Variants in FBXO34 observed in about 807,000 individuals in gnomAD.
FBXO34 encodes the protein F-box protein 34, also known as F-box only protein 34.
A neutral mutation model predicts 24.5 loss-of-function variants in FBXO34; 12 were observed. That is an observed-to-expected ratio of 0.49 (90% CI 0.31 to 0.79). The LOEUF is 0.79. Among genes scored for constraint, FBXO34 ranks in the 30% least tolerant of loss-of-function variants. The pLI is 0.04. For missense variants in FBXO34, 823 were observed against 857.7 expected (o/e 0.96, Z 0.51); for synonymous variants, 320 against 311.9 (o/e 1.03, Z -0.27).
chr14:55,273,752 C>T (rs1486358757), intron 1 of FBXO34, among the ~76,000 whole-genome samples: 2 of 152,076 alleles, frequency 1.3e-5, no homozygotes, highest in African/African-American at 4.8e-5. Context: ...CTTTCCCGAG[C>T]GGTAGCGATT....
At chr14:55,304,995 C>T (rs910035281) in intron 1 of FBXO34, among the ~76,000 whole-genome samples, 1 of 152,168 alleles carries the variant, frequency 6.6e-6, no homozygotes, top group Non-Finnish European at 1.5e-5. Flanking sequence ...GCTGAACTCC[C>T]CTTTTAATCA....
chr14:55,279,935 A>G (rs1413362765), intron 1 of FBXO34, among the ~76,000 whole-genome samples: 2 of 152,204 alleles, frequency 1.3e-5, no homozygotes, highest in South Asian at 2.1e-4. Flanking sequence ...CTTTACCTCC[A>G]TGGTCAACCA....
At chr14:55,344,865 A>G (rs1884109112) in intron 1 of FBXO34, among the ~76,000 whole-genome samples, 1 of 152,184 alleles carries the variant, frequency 6.6e-6, no homozygotes, top group South Asian at 2.1e-4. Flanking sequence ...GGGCTCTCAC[A>G]GCACCCTGTG....
chr14:55,306,424 A>G (rs1479658357), intron 1 of FBXO34, among the ~76,000 whole-genome samples: 1 of 152,216 alleles, frequency 6.6e-6, no homozygotes, highest in East Asian at 1.9e-4. Flanking sequence ...CACTAAAGTC[A>G]TTTCTACACA....
the FBXO34 span, among the ~76,000 whole-genome samples, chr14:55,388,918 G>A: frequency 1.3e-5 from 2 of 152,086 alleles, no homozygotes; most frequent in African/African-American, 4.8e-5. Flanking sequence ...GATGAGAGGA[G>A]GACAGAAATA....
intron 1 of FBXO34, among the ~76,000 whole-genome samples, chr14:55,296,185 A>G (rs1594733331): frequency 6.6e-6 from 1 of 152,188 alleles, no homozygotes; most frequent in African/African-American, 2.4e-5. Context: ...GTTGGCTCCT[A>G]ATTATCTCTT....
chr14:55,414,346 A>G, the FBXO34 span: 2 of 1,518,308 alleles, frequency 1.3e-6, no homozygotes, highest in South Asian at 1.2e-5. Context: ...GACATATTCA[A>G]ACCAGAATAA....
chr14:55,366,586 C>T (rs1884683660), downstream of FBXO34: 1 of 152,400 alleles, frequency 6.6e-6, no homozygotes, highest in Admixed American at 6.5e-5. Flanking sequence ...GAGTCCCGTC[C>T]ACTCTACCCA....
downstream of FBXO34, among the ~76,000 whole-genome samples, chr14:55,362,365 T>C (rs985446629): frequency 5.9e-5 from 9 of 152,180 alleles, no homozygotes; most frequent in African/African-American, 2.2e-4. Context: ...ATGAAGAGAT[T>C]TGAAATATTG....
At chr14:55,424,800 T>C in the FBXO34 span, among the ~76,000 whole-genome samples, 15 of 152,312 alleles carry the variant, frequency 9.8e-5, no homozygotes, top group East Asian at 1.4e-3. Flanking sequence ...CTATAAATAG[T>C]AACTCATATT....
At chr14:55,337,358 C>T (rs900104061) in intron 1 of FBXO34, among the ~76,000 whole-genome samples, 16 of 152,080 alleles carry the variant, frequency 1.1e-4, no homozygotes, top group African/African-American at 3.6e-4. Context: ...TAAATAAATC[C>T]GTTATAAATT....
Position 55,331,647 on chromosome 14 carries a change from T to A in FBXO34, c.-10-18734T>A, listed in dbSNP as rs575840960. Among the ~76,000 whole-genome samples, 6 of 115,502 alleles carry A rather than the reference T, an allele frequency of 5.2e-5. 2 individuals carry two copies. Among genetic ancestry groups the A allele is most frequent in the Non-Finnish European group, 7.3e-5 (4 of 54,708 alleles). 75.8% of individuals were successfully genotyped at this position (115,502 alleles called of 152,430 possible). A position where few individuals can be genotyped will look rare whatever the true frequency, so the allele number is the denominator to read the frequency against. On this transcript the variant is annotated intron_variant, in intron 1 of 1. Transcript: ENST00000313833. ...AAAATATATATAAAATATATAAAAA[T>A]ATATATATACCAACATGGTGTGTGT...
downstream of FBXO34, among the ~76,000 whole-genome samples, chr14:55,365,920 G>A (rs911972904): frequency 2.0e-5 from 3 of 152,080 alleles, no homozygotes; most frequent in African/African-American, 4.8e-5. Flanking sequence ...GGGTACCGCC[G>A]ACTACCCACC....
the FBXO34 span, among the ~76,000 whole-genome samples, chr14:55,417,124 CT>C: frequency 6.6e-6 from 1 of 152,110 alleles, no homozygotes; most frequent in Non-Finnish European, 1.5e-5. Flanking sequence ...CATAGGAGGA[CT>C]TTAGGGAAAT....
At chr14:55,428,210 A>G in the FBXO34 span, among the ~76,000 whole-genome samples, 2 of 138,140 alleles carry the variant, frequency 1.4e-5, no homozygotes, top group Admixed American at 1.7e-4. Flanking sequence ...GCTCACTGCA[A>G]GCTCCACCTC....
chr14:55,300,488 G>T (rs556704901), intron 1 of FBXO34, among the ~76,000 whole-genome samples: 1 of 152,202 alleles, frequency 6.6e-6, no homozygotes. Flanking sequence ...CCAGCTACTC[G>T]GGAGGCTGAG....
intron 1 of FBXO34, among the ~76,000 whole-genome samples, chr14:55,307,890 A>G (rs749270911): frequency 2.6e-5 from 4 of 152,184 alleles, no homozygotes; most frequent in African/African-American, 7.2e-5. Context: ...TGGAGGATGA[A>G]ATGGTTTGGC....
At chr14:55,357,796 G>T (rs774397415), downstream of FBXO34, among the ~76,000 whole-genome samples, 2 of 152,152 alleles carry the variant, frequency 1.3e-5, no homozygotes, top group Non-Finnish European at 2.9e-5. Context: ...GGGTGACCCT[G>T]TCTCAAAAAA....
the FBXO34 span, among the ~76,000 whole-genome samples, chr14:55,398,906 G>A: frequency 1.3e-5 from 2 of 151,936 alleles, no homozygotes; most frequent in African/African-American, 4.8e-5. Flanking sequence ...TGGAGTGAAC[G>A]TGACCCACTG....
Sources: allele counts gnomAD v4.1 joint callset (sites outside exome capture counted in the v4.1 genomes callset), GRCh38; gene constraint gnomAD v4.1.1; transcripts MANE v1.5; gene names NCBI Gene and HGNC (gene_info 2026-07-23, HGNC 2026-07-21).